The following WNT7A variants were observed in gnomAD, a reference collection of about 807,000 sequenced individuals.
WNT7A encodes protein Wnt-7a.
Under a neutral mutation model 28.2 loss-of-function variants are expected in WNT7A, and 16 were observed. The ratio of observed to expected loss-of-function variants is 0.57; its 90% CI spans 0.38 to 0.86. The LOEUF (loss-of-function observed/expected upper bound fraction) is 0.86, where lower values mean the gene tolerates loss of function less well. Among genes scored for constraint, WNT7A ranks in the 40% least tolerant of loss-of-function variants. The probability of loss-of-function intolerance (pLI) is 0.00; values close to 1 mark genes in which losing one functional copy is unlikely to be tolerated. For synonymous variants in WNT7A, 190 were observed against 195.9 expected, an observed-to-expected ratio of 0.97 and a Z score of 0.25; for missense variants, 411 against 489.7, an observed-to-expected ratio of 0.84 and a Z score of 1.52.
intron 3 of WNT7A, among the ~76,000 whole-genome samples, chr3:13,843,272 G>A (rs1421528489): frequency 6.6e-6 from 1 of 152,190 alleles, no homozygotes. Flanking sequence ...ATTCATAACA[G>A]CAATGACTGC....
chr3:13,826,220 C>T (rs146281376), intron 3 of WNT7A, among the ~76,000 whole-genome samples: 1 of 152,194 alleles, frequency 6.6e-6, no homozygotes, highest in East Asian at 1.9e-4. Context: ...AGTTTGCAGT[C>T]CTTGCCACCT....
chr3:13,873,570 G>A (rs1438731260), intron 2 of WNT7A, among the ~76,000 whole-genome samples: 1 of 152,196 alleles, frequency 6.6e-6, no homozygotes, highest in Non-Finnish European at 1.5e-5. Flanking sequence ...GGATGGGTAA[G>A]GCTGTGCTTC....
chr3:13,845,351 A>G (rs1386799972), intron 3 of WNT7A, among the ~76,000 whole-genome samples: 1 of 152,244 alleles, frequency 6.6e-6, no homozygotes, highest in African/African-American at 2.4e-5. Flanking sequence ...ATGGTCTAGT[A>G]GGAAGCCACG....
chr3:13,875,037 G>A lies in WNT7A; in HGVS notation c.208C>T (p.Leu70=), dbSNP rs1184322745. 2 of 1,614,110 alleles carry A rather than the reference G, an allele frequency of 1.2e-6. No individual in the cohort carries two copies. The highest frequency in any genetic ancestry group is 2.2e-5 in the East Asian group (1 of 44,894). Residue 70 remains leucine (L), a synonymous_variant, in exon 2 of 4, where the codon CTG becomes TTG. Transcript: ENST00000285018. The stretch of plus-strand genomic sequence containing the variant: ...CGGAACTGAAACTGACACTCGTCCA[G>A]GCCCATTTGTGAGCCTTCTCCTATG... ...IVIGEGSQMG[L]DECQFQFRNG... is the part of the protein sequence containing the mutation.
chr3:13,848,751 A>G (rs1694578823), intron 3 of WNT7A, among the ~76,000 whole-genome samples: 2 of 152,216 alleles, frequency 1.3e-5, no homozygotes, highest in African/African-American at 2.4e-5. Flanking sequence ...TTCTAGGGAA[A>G]TAGAACCTTA....
intron 3 of WNT7A, among the ~76,000 whole-genome samples, chr3:13,843,031 C>A (rs781033113): frequency 3.2e-4 from 49 of 152,258 alleles, no homozygotes; most frequent in Admixed American, 2.2e-3. Context: ...AAAGGAGGAC[C>A]AGCGTGGCCT....
chr3:13,817,455 CACACACACACACACA>C lies in WNT7A; in HGVS notation c.*1474_*1488del, dbSNP rs1694023868. 1 of 124,484 alleles carries C rather than the reference CACACACACACACACA, an allele frequency of 8.0e-6. No individual in the cohort carries two copies. The highest frequency in any genetic ancestry group is 3.3e-5 in the African/African-American group (1 of 30,032). The allele number at this position is 124,484 out of a possible 1,614,324, so 7.7% of individuals were successfully genotyped here. On this transcript the variant is annotated 3_prime_UTR_variant, in exon 4 of 4. Transcript: ENST00000285018. Reference sequence around the variant, plus strand: ...ACACACACACACACACACACACACACACACACACACACACACCGGAAATGCAAACGGACACATATT... The same window carrying C: ...ACACACACACACACACACACACACACCCGGAAATGCAAACGGACACATATT...
chr3:13,879,641 A>G, intron 1 of WNT7A, 105 bp downstream of exon 1: 1 of 1,291,894 alleles, frequency 7.7e-7, no homozygotes, highest in Non-Finnish European at 1.1e-6. Context: ...CTCTCAGAGA[A>G]GCTGTGGAAG....
intron 3 of WNT7A, among the ~76,000 whole-genome samples, chr3:13,829,858 A>T (rs1694249920): frequency 6.6e-6 from 1 of 152,066 alleles, no homozygotes; most frequent in Non-Finnish European, 1.5e-5. Flanking sequence ...GGTCATTAGG[A>T]GTTCCTGGGA....
At chr3:13,879,651 G>T in intron 1 of WNT7A, 95 bp downstream of exon 1, 1 of 1,405,422 alleles carries the variant, frequency 7.1e-7, no homozygotes, top group Non-Finnish European at 9.8e-7. Context: ...AGCTGTGGAA[G>T]TTGGCCGGCA....
chr3:13,837,270 C>A (rs962955327), intron 3 of WNT7A, among the ~76,000 whole-genome samples: 3 of 152,152 alleles, frequency 2.0e-5, no homozygotes, highest in African/African-American at 7.2e-5. Flanking sequence ...CTGCCTGTGA[C>A]ACCCTTCCTC....
At chr3:13,830,294 GC>G (rs1329374944) in intron 3 of WNT7A, among the ~76,000 whole-genome samples, 3 of 152,152 alleles carry the variant, frequency 2.0e-5, no homozygotes, top group Admixed American at 2.0e-4. Flanking sequence ...TCAACCTCAG[GC>G]TGGAGGGCTG....
intron 2 of WNT7A, among the ~76,000 whole-genome samples, chr3:13,869,229 G>C (rs1694989421): frequency 1.4e-5 from 2 of 138,224 alleles, no homozygotes; most frequent in African/African-American, 5.6e-5. Context: ...AAAAGAGAGA[G>C]AGAGAGAGAG....
chr3:13,830,472 C>T (rs955362533), intron 3 of WNT7A, among the ~76,000 whole-genome samples: 2 of 152,162 alleles, frequency 1.3e-5, no homozygotes, highest in Admixed American at 1.3e-4. Context: ...AAACACGGGT[C>T]CATCATCCTC....
At chr3:13,844,168 T>C (rs899467587) in intron 3 of WNT7A, among the ~76,000 whole-genome samples, 24 of 152,170 alleles carry the variant, frequency 1.6e-4, no homozygotes, top group Non-Finnish European at 3.2e-4. Context: ...GGTTGCAGAG[T>C]TGGGATGGCT....
intron 2 of WNT7A, among the ~76,000 whole-genome samples, chr3:13,856,893 A>AAAAAGAAGAAGAAGAAGAAAAAG (rs1559303190): frequency 5.5e-5 from 4 of 73,290 alleles, no homozygotes; most frequent in Admixed American, 1.4e-4. Flanking sequence ...AGAAGAAGAA[A>AAAAAGAAGAAGAAGAAGAAAAAG]AAGAAGAAGA....
intron 3 of WNT7A, among the ~76,000 whole-genome samples, chr3:13,844,978 G>T (rs369618466): frequency 6.6e-6 from 1 of 152,160 alleles, no homozygotes; most frequent in African/African-American, 2.4e-5. Context: ...GGACAAAGGC[G>T]GCAATTGTCC....
intron 2 of WNT7A, among the ~76,000 whole-genome samples, chr3:13,871,200 G>A (rs1441809577): frequency 6.6e-6 from 1 of 152,136 alleles, no homozygotes; most frequent in African/African-American, 2.4e-5. Flanking sequence ...GCAGACAATG[G>A]GTCCTGGTGC....
chr3:13,858,080 G>A (rs1458204913), intron 2 of WNT7A, among the ~76,000 whole-genome samples: 1 of 152,168 alleles, frequency 6.6e-6, no homozygotes, highest in Non-Finnish European at 1.5e-5. Context: ...TGGCTTGCCT[G>A]GGACACCCAA....
Sources: gnomAD v4.1 joint callset for allele counts (sites outside exome capture counted in the v4.1 genomes callset) on GRCh38, gnomAD v4.1.1 for gene constraint, MANE v1.5 for transcripts, NCBI Gene and HGNC (gene_info 2026-07-23, HGNC 2026-07-21) for gene names.